Variants in ASH1L observed in about 807,000 individuals in gnomAD.
ASH1L encodes the protein histone-lysine N-methyltransferase ASH1L.
ASH1L carries 23 observed loss-of-function variants against 269.0 expected under a neutral mutation model. The observed-to-expected ratio is 0.09, with a 90% CI of 0.06 to 0.12. The LOEUF is 0.12. ASH1L is among the 10% of genes least tolerant of loss of function. The pLI, the probability that ASH1L is intolerant of heterozygous loss-of-function variation, is 1.00. For synonymous variants in ASH1L, 1,187 were observed against 1,253.5 expected, an observed-to-expected ratio of 0.95 and a Z score of 1.12; for missense variants, 2,912 against 3,567.8, an observed-to-expected ratio of 0.82 and a Z score of 4.68.
In ASH1L at chr1:155,360,302, T is replaced by G. The variant is rs1040541392; in HGVS notation, c.6794A>C (p.Gln2265Pro). The G allele has an allele frequency of 1.3e-6, 2 of 1,594,972 alleles. No individual in the cohort carries two copies. The highest frequency in any genetic ancestry group is 1.7e-6 in the Non-Finnish European group (2 of 1,162,636). The change falls in exon 13 of 28, where the codon CAG becomes CCG. Residue 2265 changes from glutamine (Q) to proline (P), a missense_variant and splice_region_variant. Transcript: ENST00000392403. ...YNFHSFNVEKQQLCKCGFEKC... is the reference protein window; with the variant it reads ...YNFHSFNVEKPQLCKCGFEKC... ...CCCTCTAGGATTTATTATTCTTACC[T>G]GTTTTTCCACATTGAAGGAATGAAA...
Position 155,346,371 on chromosome 1 carries a change from G to T in ASH1L, c.7890+12C>A. 6.2e-7 allele frequency: 1 copy of T among 1,612,936 alleles called. No individual in the cohort carries two copies. The highest frequency in any genetic ancestry group is 8.5e-7 in the Non-Finnish European group (1 of 1,179,044). ...ACTTATAGATCAGAGTTTTATCAGA[G>T]GTTCAGCTTACCCTGTCCACAGGCC... On this transcript the variant is annotated intron_variant, in intron 21 of 27. Coordinates refer to ENST00000392403, the MANE Select transcript of ASH1L (RefSeq NM_018489.3).
intron 1 of ASH1L, among the ~76,000 whole-genome samples, chr1:155,560,457 C>T (rs1039801000): frequency 3.9e-5 from 6 of 152,112 alleles, no homozygotes; most frequent in Middle Eastern, 3.2e-3. Flanking sequence ...TTCCTTCAGC[C>T]CAGCCAAGAA....
At position 155,343,799 on chromosome 1, in the gene ASH1L, A is replaced by G; in HGVS notation, c.7982-57T>C. The G allele has an allele frequency of 6.3e-7, 1 of 1,593,838 alleles. No homozygotes were observed. The stretch of plus-strand genomic sequence containing the variant: ...AAACAATTCTTGTATGAATTCTGTT[A>G]GGCATCTGTTTATCTGACTCAGGGT... On this transcript the variant is annotated intron_variant, in intron 22 of 27. Coordinates refer to ENST00000392403, the MANE Select transcript of ASH1L (RefSeq NM_018489.3). This position sits in a 1 kb window ranked among gnomAD's most constrained non-coding sequence, Gnocchi z 6.1.
At chr1:155,513,080 A>G (rs187441942) in intron 2 of ASH1L, among the ~76,000 whole-genome samples, 1 of 152,094 alleles carries the variant, frequency 6.6e-6, no homozygotes, top group African/African-American at 2.4e-5. Flanking sequence ...AACTATAGAT[A>G]TATAATAATA....
At position 155,518,970 on chromosome 1, in the gene ASH1L, CTAAA is replaced by C. The variant is rs1047521493; in HGVS notation, c.420+2126_420+2129del. 1.4e-4 allele frequency among the ~76,000 whole-genome samples: 21 copies of C among 152,220 alleles called. No individual in the cohort carries two copies. In the South Asian group the frequency reaches 1.9e-3, roughly 14 times the overall value. ...TAAAAGTGTACAGTTCCTGAAAGCG[CTAAA>C]TAAATAATTACCGTATGACCCAGCA... On this transcript the variant is annotated intron_variant, in intron 2 of 27. Transcript: ENST00000392403.
rs1331351938 is a variant in ASH1L at position 155,488,494 on chromosome 1, T to G, written c.421-6045A>C. ...CCAACATGGTGAAACTCGCCTATAC[T>G]AAAAATACAAAAAAAAAAAAAAAAA... On this transcript the variant is annotated intron_variant, in intron 2 of 27. Transcript: ENST00000392403. Among the ~76,000 whole-genome samples the G allele has an allele frequency of 8.5e-5, 5 of 58,872 alleles. No homozygotes were observed. In the East Asian group the frequency reaches 2.1e-3, roughly 25 times the overall value. 38.6% of individuals were successfully genotyped at this position (58,872 alleles called of 152,430 possible).
At chr1:155,550,269 C>T (rs1369904054) in intron 1 of ASH1L, among the ~76,000 whole-genome samples, 1 of 152,136 alleles carries the variant, frequency 6.6e-6, no homozygotes, top group African/African-American at 2.4e-5. Context: ...CCACCCATCT[C>T]GGCCTCCCAA....
chr1:155,482,486 A>G (rs1260933927), intron 2 of ASH1L, 37 bp from the exon 3 acceptor site: 12 of 1,568,466 alleles, frequency 7.7e-6, no homozygotes, highest in Non-Finnish European at 1.0e-5. Context: ...AAGAGGGAGT[A>G]AACCTTACAC....
intron 3 of ASH1L, among the ~76,000 whole-genome samples, chr1:155,476,817 C>G (rs912959166): frequency 3.9e-5 from 6 of 151,922 alleles, no homozygotes; most frequent in Non-Finnish European, 7.4e-5. Flanking sequence ...CCTCCCAAAG[C>G]ACTGGGATTA....
intron 7 of ASH1L, among the ~76,000 whole-genome samples, chr1:155,383,697 G>A (rs1303998487): frequency 6.6e-6 from 1 of 152,148 alleles, no homozygotes; most frequent in Non-Finnish European, 1.5e-5. Flanking sequence ...GTGAATTAAG[G>A]CAGATACAAA....
intron 2 of ASH1L, among the ~76,000 whole-genome samples, chr1:155,497,478 C>T (rs1165638492): frequency 6.6e-6 from 1 of 152,182 alleles, no homozygotes; most frequent in Non-Finnish European, 1.5e-5. Flanking sequence ...TTATCAACTT[C>T]AACTTAACGA....
At chr1:155,376,409 T>C (rs1656443957) in intron 10 of ASH1L, among the ~76,000 whole-genome samples, 1 of 152,210 alleles carries the variant, frequency 6.6e-6, no homozygotes, top group Non-Finnish European at 1.5e-5. Flanking sequence ...AATTCACTGA[T>C]TCTTTTTTAT....
chr1:155,434,798 C>A (rs1661945861), intron 5 of ASH1L, among the ~76,000 whole-genome samples: 1 of 152,076 alleles, frequency 6.6e-6, no homozygotes, highest in South Asian at 2.1e-4. Flanking sequence ...TTGCAGTGAG[C>A]CGAGATTGTG....
chr1:155,514,165 G>C (rs1184692270), intron 2 of ASH1L, among the ~76,000 whole-genome samples: 2 of 152,188 alleles, frequency 1.3e-5, no homozygotes, highest in African/African-American at 2.4e-5. Flanking sequence ...AGAGTTAATA[G>C]AGTGTCAGCT....
intron 5 of ASH1L, chr1:155,433,570 G>T: frequency 6.2e-7 from 1 of 1,610,802 alleles, no homozygotes. Context: ...AGAAGCTGGA[G>T]CAAAACCCGC....
intron 5 of ASH1L, among the ~76,000 whole-genome samples, chr1:155,426,046 G>A (rs553190731): frequency 2.0e-5 from 3 of 151,852 alleles, no homozygotes; most frequent in African/African-American, 4.8e-5. Flanking sequence ...CTGCCACCAT[G>A]CCCGGCTAAT....
intron 12 of ASH1L, among the ~76,000 whole-genome samples, chr1:155,368,553 G>A (rs1330008203): frequency 6.6e-6 from 1 of 152,052 alleles, no homozygotes; most frequent in Non-Finnish European, 1.5e-5. Context: ...CGCCTCGCGG[G>A]TTCAAGCAAT....
At chr1:155,560,032 T>C (rs998397600) in intron 1 of ASH1L, among the ~76,000 whole-genome samples, 13 of 152,108 alleles carry the variant, frequency 8.5e-5, no homozygotes, top group Non-Finnish European at 1.5e-4. Context: ...TTGCAGATGA[T>C]AAAAAGAATA....
chr1:155,470,039 G>T (rs981419048), intron 3 of ASH1L, among the ~76,000 whole-genome samples: 1 of 152,102 alleles, frequency 6.6e-6, no homozygotes, highest in African/African-American at 2.4e-5. Context: ...GATATCTAGT[G>T]TAAGAAACAC....
Sources: allele counts gnomAD v4.1 joint callset (sites outside exome capture counted in the v4.1 genomes callset), GRCh38; gene constraint gnomAD v4.1.1; non-coding constraint Gnocchi (gnomAD v3.1); transcripts MANE v1.5; gene names NCBI Gene and HGNC (gene_info 2026-07-23, HGNC 2026-07-21).